TNS3: variants seen among roughly 807,000 people sequenced by gnomAD.
The protein encoded by TNS3 is tensin 3.
In TNS3, 45 loss-of-function variants were observed where a neutral mutation model predicts 140.9. The ratio of observed to expected loss-of-function variants is 0.32; its 90% confidence interval spans 0.25 to 0.41. TNS3 has a LOEUF of 0.41. Among genes scored for constraint, TNS3 ranks in the 10% least tolerant of loss-of-function variants. The pLI, the probability that TNS3 is intolerant of heterozygous loss-of-function variation, is 1.00. For missense variants in TNS3, 1,716 were observed against 1,906.7 expected (o/e 0.90, Z 1.86); for synonymous variants, 815 against 788.4 (o/e 1.03, Z -0.56).
chr7:47,577,692 G>A (rs187087549), intron 1 of TNS3, among the ~76,000 whole-genome samples: 32 of 152,322 alleles, frequency 2.1e-4, no homozygotes, highest in Admixed American at 1.0e-3. Context: ...GTTCAGCAAC[G>A]ATCAGACTAG....
intron 3 of TNS3, among the ~76,000 whole-genome samples, chr7:47,493,248 G>A (rs540459106): frequency 8.5e-5 from 13 of 152,324 alleles, no homozygotes; most frequent in African/African-American, 3.1e-4. Context: ...TGGGTCAGTT[G>A]TCTCAACCTC....
chr7:47,377,378 C>T (rs1008646861), intron 16 of TNS3, among the ~76,000 whole-genome samples: 1 of 152,164 alleles, frequency 6.6e-6, no homozygotes, highest in African/African-American at 2.4e-5. Flanking sequence ...TACGACTCCA[C>T]ATAGGTGACA....
intron 8 of TNS3, among the ~76,000 whole-genome samples, chr7:47,431,969 T>C (rs998368371): frequency 6.6e-6 from 1 of 152,094 alleles, no homozygotes; most frequent in Non-Finnish European, 1.5e-5. Context: ...GACTGAATCA[T>C]GAAGAAACAG....
chr7:47,576,203 A>G (rs772948864), intron 1 of TNS3, among the ~76,000 whole-genome samples: 5 of 152,210 alleles, frequency 3.3e-5, no homozygotes, highest in Non-Finnish European at 7.3e-5. Context: ...GTGGTTCTCC[A>G]GAAGGACCAC....
intron 20 of TNS3, among the ~76,000 whole-genome samples, chr7:47,323,312 G>A (rs372645796): frequency 6.6e-6 from 1 of 152,178 alleles, no homozygotes; most frequent in African/African-American, 2.4e-5. Flanking sequence ...GAAAGAAGTG[G>A]CACATGCTTC....
chr7:47,524,815 A>G (rs1255592708), intron 2 of TNS3, among the ~76,000 whole-genome samples: 2 of 140,918 alleles, frequency 1.4e-5, no homozygotes, highest in South Asian at 2.3e-4. Flanking sequence ...TCTCAAGAAA[A>G]AAAAAAAAAA....
At chr7:47,381,167 C>T (rs1217031152) in intron 16 of TNS3, among the ~76,000 whole-genome samples, 3 of 152,232 alleles carry the variant, frequency 2.0e-5, no homozygotes, top group African/African-American at 7.2e-5. Context: ...CAGGAGCCAG[C>T]ACCAACCCAT....
At chr7:47,415,039 C>A (rs1041867715) in intron 11 of TNS3, 55 bp downstream of exon 11, 9 of 1,359,056 alleles carry the variant, frequency 6.6e-6, no homozygotes, top group Middle Eastern at 2.0e-4. Context: ...GGCCCAGGAC[C>A]AGCTCCAAGT....
chr7:47,567,030 C>CAAAA (rs541987899), intron 1 of TNS3, among the ~76,000 whole-genome samples: 8 of 98,704 alleles, frequency 8.1e-5, no homozygotes, highest in African/African-American at 2.4e-4. Context: ...GACTCCATCT[C>CAAAA]AAAAAAAAAA....
At chr7:47,400,270 T>C in intron 15 of TNS3, 123 bp downstream of exon 15, 2 of 819,792 alleles carry the variant, frequency 2.4e-6, no homozygotes, top group Non-Finnish European at 3.9e-6. Context: ...TAAATAAAAT[T>C]AATCACAGAA....
intron 6 of TNS3, among the ~76,000 whole-genome samples, chr7:47,438,031 C>A (rs902772562): frequency 1.1e-4 from 11 of 96,084 alleles, no homozygotes; most frequent in Non-Finnish European, 2.1e-4. Context: ...TCAAGTAGTT[C>A]AAAATGAAAA....
intron 16 of TNS3, among the ~76,000 whole-genome samples, chr7:47,391,215 T>C (rs1264824668): frequency 6.6e-6 from 1 of 152,214 alleles, no homozygotes; most frequent in Non-Finnish European, 1.5e-5. Flanking sequence ...CTCCTTGGAT[T>C]GTACAGGCAA....
At chr7:47,286,448 C>T (rs1048275836) in intron 27 of TNS3, among the ~76,000 whole-genome samples, 7 of 152,158 alleles carry the variant, frequency 4.6e-5, no homozygotes, top group Admixed American at 3.3e-4. Context: ...GGCATGCCTG[C>T]GCCTGCCTAT....
intron 15 of TNS3, 71 bp from the exon 16 acceptor site, chr7:47,396,975 A>G (rs919970233): frequency 2.4e-5 from 27 of 1,133,550 alleles, no homozygotes; most frequent in Non-Finnish European, 3.5e-5. Flanking sequence ...ACTCCACCAT[A>G]AGGACAGGTG....
At chr7:47,445,598 G>C (rs1395400616) in intron 4 of TNS3, among the ~76,000 whole-genome samples, 2 of 152,190 alleles carry the variant, frequency 1.3e-5, no homozygotes, top group Non-Finnish European at 2.9e-5. Context: ...AAAGGGCAGA[G>C]AAACTATGGC....
chr7:47,547,313 G>A (rs1799948690), intron 1 of TNS3, among the ~76,000 whole-genome samples: 3 of 152,134 alleles, frequency 2.0e-5, no homozygotes, highest in Admixed American at 1.3e-4. Flanking sequence ...GAGAGATAAG[G>A]GGCCTGTGTC....
intron 28 of TNS3, among the ~76,000 whole-genome samples, chr7:47,282,507 T>A (rs1295017018): frequency 6.6e-6 from 1 of 151,492 alleles, no homozygotes; most frequent in Non-Finnish European, 1.5e-5. Flanking sequence ...GAGAACACAG[T>A]GGGGCTGAGC....
intron 5 of TNS3, among the ~76,000 whole-genome samples, chr7:47,441,272 G>C (rs1795452631): frequency 1.3e-5 from 2 of 152,106 alleles, no homozygotes; most frequent in Admixed American, 6.5e-5. Context: ...TCTGCCTCCT[G>C]GGTTAAAGGG....
intron 16 of TNS3, among the ~76,000 whole-genome samples, chr7:47,380,200 A>T (rs1417691419): frequency 3.9e-5 from 6 of 152,228 alleles, no homozygotes; most frequent in Non-Finnish European, 1.5e-5. Context: ...CCGTACTGAC[A>T]GCAGGGCAGG....
Sources: allele counts gnomAD v4.1 joint callset (sites outside exome capture counted in the v4.1 genomes callset), GRCh38; gene constraint gnomAD v4.1.1; transcripts MANE v1.5; gene names NCBI Gene and HGNC (gene_info 2026-07-23, HGNC 2026-07-21).